Variants in STK32B observed in about 807,000 individuals in gnomAD.
STK32B encodes serine/threonine kinase 32B, also known as serine/threonine-protein kinase 32B.
STK32B carries 43 observed loss-of-function variants against 52.6 expected under a neutral mutation model. The observed-to-expected ratio is 0.82, with a 90% CI of 0.64 to 1.05. The LOEUF (loss-of-function observed/expected upper bound fraction) is 1.05. Ranked by LOEUF, STK32B falls within the 50% of genes least tolerant of loss-of-function variation. STK32B has a pLI of 0.00. For missense variants in STK32B, 621 were observed against 534.6 expected, an observed-to-expected ratio of 1.16 and a Z score of -1.59; for synonymous variants, 238 against 204.3, an observed-to-expected ratio of 1.17 and a Z score of -1.41.
At chr4:5,441,937 G>C (rs1180653145) in intron 6 of STK32B, among the ~76,000 whole-genome samples, 3 of 130,800 alleles carry the variant, frequency 2.3e-5, no homozygotes, top group Non-Finnish European at 3.2e-5. Flanking sequence ...TTAATCCTGA[G>C]TTCTAGTTTG....
At chr4:5,375,019 G>A (rs1735494296) in intron 4 of STK32B, among the ~76,000 whole-genome samples, 1 of 152,178 alleles carries the variant, frequency 6.6e-6, no homozygotes, top group Non-Finnish European at 1.5e-5. Context: ...TTCTAGAGAA[G>A]AACCTTCTCC....
chr4:5,156,595 G>C (rs1454124784), intron 2 of STK32B, among the ~76,000 whole-genome samples: 1 of 152,196 alleles, frequency 6.6e-6, no homozygotes, highest in Non-Finnish European at 1.5e-5. Context: ...TATTTCTGAG[G>C]GAAGGAGGAG....
rs73794556 is a variant in STK32B, at chr4:5,319,095, C to T, written c.261-12125C>T. On this transcript the variant is annotated intron_variant, in intron 3 of 11. Coordinates refer to ENST00000282908, the MANE Select transcript of STK32B (RefSeq NM_018401.3). ...CTGGGATTACAGGCGTGAGCCACCA[C>T]GCCTGGCTAAAAATAGCAAGTATTT... Among the ~76,000 whole-genome samples, 437 of 152,300 alleles carry T rather than the reference C, an allele frequency of 2.9e-3. 3 individuals are homozygous for T. Among genetic ancestry groups the T allele is most frequent in the African/African-American group, 9.9e-3 (411 of 41,568 alleles).
In STK32B at chr4:5,493,892, C is replaced by T. The variant is rs183145676; in HGVS notation, c.1107-5053C>T. On this transcript the variant is annotated intron_variant, in intron 11 of 11. Coordinates refer to ENST00000282908, the MANE Select transcript of STK32B (RefSeq NM_018401.3). ...GTTTCCATGTAGTTGAGTGGTTTTG[C>T]GTTAGTTTCTTAATCCTGAGTTCTA... is the stretch of plus-strand genomic sequence containing the variant. 3.5e-4 allele frequency among the ~76,000 whole-genome samples: 53 copies of T among 152,298 alleles called. 1 individual carries two copies. In the Middle Eastern group the frequency reaches 0.014, roughly 39 times the overall value.
chr4:5,397,199 A>G (rs2109044420), intron 4 of STK32B, among the ~76,000 whole-genome samples: 1 of 152,366 alleles, frequency 6.6e-6, no homozygotes, highest in Non-Finnish European at 1.5e-5. Context: ...AGTAGATTTG[A>G]CATTAGTTAT....
intron 3 of STK32B, among the ~76,000 whole-genome samples, chr4:5,170,459 G>A (rs372913957): frequency 4.6e-4 from 68 of 147,976 alleles, no homozygotes; most frequent in Middle Eastern, 3.5e-3. Flanking sequence ...TCGCTCCCCC[G>A]TCCCCCCACC....
chr4:5,079,935 T>G, intron 1 of STK32B, among the ~76,000 whole-genome samples: 1 of 151,956 alleles, frequency 6.6e-6, no homozygotes, highest in Non-Finnish European at 1.5e-5. Context: ...AAGCAGACAG[T>G]AGGATGGTAG....
chr4:5,066,888 G>A (rs1175035506), intron 1 of STK32B, among the ~76,000 whole-genome samples: 1 of 152,104 alleles, frequency 6.6e-6, no homozygotes, highest in East Asian at 1.9e-4. Flanking sequence ...CCTAGACTGG[G>A]TAATTCCTCC....
chr4:5,237,364 C>A (rs891985015), intron 3 of STK32B, among the ~76,000 whole-genome samples: 1 of 152,168 alleles, frequency 6.6e-6, no homozygotes, highest in African/African-American at 2.4e-5. Context: ...CGAAAATGCT[C>A]AGTGAACAAG....
At chr4:5,427,153 T>C (rs187540521) in intron 6 of STK32B, among the ~76,000 whole-genome samples, 144 of 152,370 alleles carry the variant, frequency 9.5e-4, no homozygotes, top group Middle Eastern at 3.4e-3. Context: ...TCTGTCGAGA[T>C]AATCCTGTGG....
At chr4:5,246,209 C>A (rs1456986568) in intron 3 of STK32B, among the ~76,000 whole-genome samples, 1 of 152,210 alleles carries the variant, frequency 6.6e-6, no homozygotes, top group African/African-American at 2.4e-5. Flanking sequence ...TTCAGGTACA[C>A]CAATGAGACG....
At chr4:5,153,943 C>G (rs1465539295) in intron 2 of STK32B, among the ~76,000 whole-genome samples, 1 of 151,984 alleles carries the variant, frequency 6.6e-6, no homozygotes, top group Non-Finnish European at 1.5e-5. Flanking sequence ...GATTTTGGTT[C>G]TGTAATCAAA....
chr4:5,460,290 A>G lies in STK32B; in HGVS notation c.909+62A>G. 1.3e-6 allele frequency: 2 copies of G among 1,548,538 alleles called. No homozygotes were observed. The highest frequency in any genetic ancestry group is 1.7e-6 in the Non-Finnish European group (2 of 1,147,942). On this transcript the variant is annotated intron_variant, in intron 9 of 11. Transcript: ENST00000282908. The surrounding 1 kb of genome is among the most constrained non-coding windows in gnomAD (Gnocchi z 4.8). ...CTGCAGGGTCCCCGCCTTGGTGCAA[A>G]GCAAGACTTTGGCAGCTGGCTAGTG...
chr4:5,080,845 T>C (rs73200927), intron 1 of STK32B, among the ~76,000 whole-genome samples: 2 of 151,884 alleles, frequency 1.3e-5, no homozygotes, highest in Admixed American at 6.6e-5. Context: ...CTACAATACA[T>C]TATTAGTAAC....
At chr4:5,158,168 T>C (rs1718018009) in intron 2 of STK32B, among the ~76,000 whole-genome samples, 1 of 152,188 alleles carries the variant, frequency 6.6e-6, no homozygotes, top group Non-Finnish European at 1.5e-5. Context: ...ATTGCTCATC[T>C]GCACTTCTCA....
chr4:5,184,695 A>AAAAAAAAGAAGAAG (rs58321341), intron 3 of STK32B, among the ~76,000 whole-genome samples: 1 of 137,560 alleles, frequency 7.3e-6, no homozygotes, highest in African/African-American at 2.7e-5. Context: ...AAAAAAAAAA[A>AAAAAAAAGAAGAAG]AAGAAGAAGA....
At position 5,387,146 on chromosome 4, in the gene STK32B, C is replaced by G. The variant is rs112360611; in HGVS notation, c.435-11061C>G. On this transcript the variant is annotated intron_variant, in intron 4 of 11. Transcript: ENST00000282908. ...TGATTAACTGTCAGCAGGAAGCGCT[C>G]GAGGATCCCAGCCTGGACCAGGGCC... is the stretch of plus-strand genomic sequence containing the variant. Among the ~76,000 whole-genome samples the G allele has an allele frequency of 4.5e-3, 691 of 152,298 alleles. 10 individuals carry two copies. Among genetic ancestry groups the G allele is most frequent in the African/African-American group, 0.015 (636 of 41,568 alleles).
chr4:5,310,149 G>C (rs76039677), intron 3 of STK32B, among the ~76,000 whole-genome samples: 12,635 of 152,156 alleles, frequency 0.083, 845 homozygotes, highest in African/African-American at 0.18. Flanking sequence ...CTGGGAAACA[G>C]AGCAAGACTC....
At chr4:5,402,010 C>CT (rs1560383681) in intron 5 of STK32B, among the ~76,000 whole-genome samples, 72 of 152,224 alleles carry the variant, frequency 4.7e-4, no homozygotes, top group African/African-American at 1.6e-3. Flanking sequence ...GCTGGCTGGC[C>CT]GGGTGACTCA....
Sources: allele counts gnomAD v4.1 joint callset (sites outside exome capture counted in the v4.1 genomes callset), GRCh38; gene constraint gnomAD v4.1.1; non-coding constraint Gnocchi (gnomAD v3.1); transcripts MANE v1.5; gene names NCBI Gene and HGNC (gene_info 2026-07-23, HGNC 2026-07-21).